The following TRPC4 variants were observed in gnomAD, a reference collection of about 807,000 sequenced individuals.
The protein encoded by TRPC4 is short transient receptor potential channel 4.
In TRPC4, 49 loss-of-function variants were observed where a neutral mutation model predicts 99.4. That is an observed-to-expected ratio of 0.49 (90% confidence interval 0.39 to 0.63). The LOEUF is 0.63. TRPC4 is among the 20% of genes least tolerant of loss of function. The pLI, the probability that TRPC4 is intolerant of heterozygous loss-of-function variation, is 0.00. For synonymous variants in TRPC4, 454 were observed against 425.9 expected, an observed-to-expected ratio of 1.07 and a Z score of -0.81; for missense variants, 898 against 1,152.9, an observed-to-expected ratio of 0.78 and a Z score of 3.20.
In TRPC4 at chr13:37,633,646, A is replaced by G. The variant is rs7330467; in HGVS notation, c.*3257T>C. 0.23 allele frequency among the ~76,000 whole-genome samples: 34,768 copies of G among 152,068 alleles called. 4,630 individuals carry two copies. The highest frequency in any genetic ancestry group is 0.69 in the East Asian group (3,533 of 5,156). On this transcript the variant is annotated 3_prime_UTR_variant, in exon 11 of 11. Transcript: ENST00000379705. ...CTTTTCATCAATTTGTTTCATCACT[A>G]AAGTATTTCAAGTTGCTGTCTACGT...
chr13:37,844,469 A>G (rs1303934418), intron 1 of TRPC4, among the ~76,000 whole-genome samples: 2 of 151,948 alleles, frequency 1.3e-5, no homozygotes, highest in Non-Finnish European at 2.9e-5. Flanking sequence ...TAATTTTTGT[A>G]TGTTTAGTAT....
At chr13:37,783,445 A>G in intron 1 of TRPC4, 85 bp from the exon 2 acceptor site, 2 of 1,106,192 alleles carry the variant, frequency 1.8e-6, no homozygotes, top group Non-Finnish European at 2.4e-6. Context: ...ACTCACAGTG[A>G]TATCAATAAC....
chr13:37,676,923 GTA>G (rs58968838), intron 4 of TRPC4, among the ~76,000 whole-genome samples: 6 of 150,626 alleles, frequency 4.0e-5, no homozygotes, highest in African/African-American at 7.3e-5. Flanking sequence ...AAATGTGTGT[GTA>G]TATATATATA....
At chr13:37,710,224 T>C (rs1468751584) in intron 3 of TRPC4, among the ~76,000 whole-genome samples, 1 of 151,976 alleles carries the variant, frequency 6.6e-6, no homozygotes, top group Non-Finnish European at 1.5e-5. Context: ...GTCAGACTTC[T>C]ACTCTCTTGG....
rs67611413 is a variant in TRPC4 at position 37,698,167 on chromosome 13, C to CTT, written c.898-5834_898-5833dup. Among the ~76,000 whole-genome samples, 11 of 42,558 alleles carry CTT rather than the reference C, an allele frequency of 2.6e-4. 2 individuals carry two copies. The highest frequency in any genetic ancestry group is 9.8e-4 in the East Asian group (1 of 1,024). 27.9% of individuals were successfully genotyped at this position (42,558 alleles called of 152,430 possible). On this transcript the variant is annotated intron_variant, in intron 3 of 10. Transcript: ENST00000379705. ...TCTCAAGGTTACTCCAAGGACTAAC[C>CTT]TTTTTTTTTTTGAGTGGGAATCTCA... is the stretch of plus-strand genomic sequence containing the variant.
intron 3 of TRPC4, among the ~76,000 whole-genome samples, chr13:37,703,753 T>A (rs1046051942): frequency 1.3e-5 from 2 of 152,146 alleles, no homozygotes; most frequent in Non-Finnish European, 2.9e-5. Flanking sequence ...AATAGCTTTT[T>A]AAAAAGAGTT....
chr13:37,762,597 C>T (rs1486764719), intron 2 of TRPC4, among the ~76,000 whole-genome samples: 1 of 150,820 alleles, frequency 6.6e-6, no homozygotes, highest in African/African-American at 2.4e-5. Context: ...AATCATCATT[C>T]TCAGTAAACT....
intron 3 of TRPC4, among the ~76,000 whole-genome samples, chr13:37,743,781 A>G (rs1955662659): frequency 6.6e-6 from 1 of 152,196 alleles, no homozygotes; most frequent in Admixed American, 6.5e-5. Flanking sequence ...ACTCTTTGAC[A>G]GGAATTTGGC....
At chr13:37,782,590 AAGAAAATG>A (rs2139346581) in intron 2 of TRPC4, among the ~76,000 whole-genome samples, 1 of 152,228 alleles carries the variant, frequency 6.6e-6, no homozygotes, top group East Asian at 1.9e-4. Flanking sequence ...AGGTAGAATT[AAGAAAATG>A]AAAGGCAAGA....
intron 1 of TRPC4, among the ~76,000 whole-genome samples, chr13:37,789,860 A>G (rs896698897): frequency 6.2e-4 from 94 of 152,238 alleles, no homozygotes; most frequent in African/African-American, 1.7e-3. Flanking sequence ...GACTTTAGTA[A>G]TTTGCTGATG....
chr13:37,757,877 A>C (rs1464137245), intron 2 of TRPC4, among the ~76,000 whole-genome samples: 2 of 151,988 alleles, frequency 1.3e-5, no homozygotes, highest in African/African-American at 2.4e-5. Flanking sequence ...ACAATTATGT[A>C]TGATTAAATA....
chr13:37,655,700 T>C (rs1952205023), intron 6 of TRPC4, among the ~76,000 whole-genome samples: 1 of 152,092 alleles, frequency 6.6e-6, no homozygotes, highest in African/African-American at 2.4e-5. Flanking sequence ...TTGAAACACA[T>C]CCATTCTCAT....
At chr13:37,738,970 A>G (rs556834189) in intron 3 of TRPC4, among the ~76,000 whole-genome samples, 1 of 152,286 alleles carries the variant, frequency 6.6e-6, no homozygotes, top group South Asian at 2.1e-4. Context: ...AGTTTTTCCT[A>G]GATCTGCCTT....
intron 3 of TRPC4, among the ~76,000 whole-genome samples, chr13:37,719,170 A>G (rs560608561): frequency 6.6e-6 from 1 of 152,272 alleles, no homozygotes; most frequent in East Asian, 1.9e-4. Flanking sequence ...GTCAATCCAG[A>G]ATTTTATACT....
intron 3 of TRPC4, among the ~76,000 whole-genome samples, chr13:37,707,138 T>C (rs1401314952): frequency 1.3e-5 from 2 of 152,206 alleles, no homozygotes; most frequent in African/African-American, 2.4e-5. Context: ...CAGGAAAATA[T>C]TGATGTTAAA....
At chr13:37,840,187 G>A (rs1958694155) in intron 1 of TRPC4, among the ~76,000 whole-genome samples, 1 of 152,052 alleles carries the variant, frequency 6.6e-6, no homozygotes, top group Non-Finnish European at 1.5e-5. Flanking sequence ...CTTCTTTAGT[G>A]TTTCTCTTGT....
chr13:37,780,967 T>C (rs1956823211), intron 2 of TRPC4, among the ~76,000 whole-genome samples: 1 of 152,018 alleles, frequency 6.6e-6, no homozygotes, highest in African/African-American at 2.4e-5. Context: ...AATTTCAGAC[T>C]CCTGGCAGAT....
intron 1 of TRPC4, among the ~76,000 whole-genome samples, chr13:37,849,189 T>A (rs1354259337): frequency 6.6e-6 from 1 of 152,152 alleles, no homozygotes; most frequent in Non-Finnish European, 1.5e-5. Flanking sequence ...TGATTCTGGA[T>A]TACTATGCCA....
intron 3 of TRPC4, among the ~76,000 whole-genome samples, chr13:37,745,560 T>C (rs1372061136): frequency 1.5e-5 from 2 of 136,860 alleles, no homozygotes; most frequent in East Asian, 4.3e-4. Flanking sequence ...ATATATAATT[T>C]CAAATATTAA....
Sources: allele counts gnomAD v4.1 joint callset (sites outside exome capture counted in the v4.1 genomes callset), GRCh38; gene constraint gnomAD v4.1.1; transcripts MANE v1.5; gene names NCBI Gene and HGNC (gene_info 2026-07-23, HGNC 2026-07-21).